Variants in GRIP2 observed in about 807,000 individuals in gnomAD.
The protein encoded by GRIP2 is glutamate receptor-interacting protein 2.
Under a neutral mutation model 108.3 loss-of-function variants are expected in GRIP2, and 58 were observed. The ratio of observed to expected loss-of-function variants is 0.54; its 90% CI spans 0.43 to 0.67. The LOEUF (loss-of-function observed/expected upper bound fraction) is 0.67. GRIP2 is among the 30% of genes least tolerant of loss of function. The pLI is 0.00. For synonymous variants in GRIP2, 586 were observed against 598.2 expected, an observed-to-expected ratio of 0.98 and a Z score of 0.30; for missense variants, 1,278 against 1,430.6, an observed-to-expected ratio of 0.89 and a Z score of 1.72.
intron 21 of GRIP2, among the ~76,000 whole-genome samples, chr3:14,499,582 G>A (rs1343874648): frequency 7.9e-5 from 12 of 151,742 alleles, no homozygotes; most frequent in African/African-American, 2.9e-4. Context: ...AATTAACCAA[G>A]CGTGGTGGTG....
upstream of GRIP2, chr3:14,541,957 T>A (rs367838522): frequency 1.0e-5 from 14 of 1,349,586 alleles, no homozygotes; most frequent in African/African-American, 1.3e-4. Context: ...CAGAGGCCAC[T>A]CTGGAGCAGT....
Position 14,491,144 on chromosome 3 carries a change from T to A in GRIP2, c.*2521A>T. On this transcript the variant is annotated 3_prime_UTR_variant, in exon 24 of 24. Transcript: ENST00000621039. ...TGACTCTTGCCAATCCATGATTTTT[T>A]TAAAAAGCAAACTTCTACTCTAGGT... 1 of 152,140 alleles carries A rather than the reference T, an allele frequency of 6.6e-6. No individual in the cohort carries two copies. The highest frequency in any genetic ancestry group is 1.9e-4 in the East Asian group (1 of 5,190). The allele number at this position is 152,140 out of a possible 1,614,324, so 9.4% of individuals were successfully genotyped here. A position where few individuals can be genotyped will look rare whatever the true frequency, so the allele number is the denominator to read the frequency against.
At chr3:14,569,075 G>A in the GRIP2 span, among the ~76,000 whole-genome samples, 41,711 of 151,900 alleles carry the variant, frequency 0.27, 6,161 homozygotes, top group Middle Eastern at 0.36. Context: ...TCAGGATTAC[G>A]GGGAGGGGTT....
intron 1 of GRIP2, among the ~76,000 whole-genome samples, chr3:14,536,587 C>A (rs111919913): frequency 6.6e-5 from 10 of 152,348 alleles, no homozygotes; most frequent in African/African-American, 2.2e-4. Context: ...CCCCCACAAT[C>A]CTCCTCCACA....
chr3:14,559,122 T>A (rs1000719504), upstream of GRIP2, among the ~76,000 whole-genome samples: 1 of 152,202 alleles, frequency 6.6e-6, no homozygotes, highest in African/African-American at 2.4e-5. Context: ...CAAGACCGTG[T>A]TACTTACCTG....
intron 22 of GRIP2, among the ~76,000 whole-genome samples, chr3:14,495,459 T>G (rs1341716046): frequency 6.6e-6 from 1 of 152,112 alleles, no homozygotes; most frequent in Admixed American, 6.5e-5. Flanking sequence ...CAGGCTGGAG[T>G]GCAACGGCGT....
chr3:14,513,753 C>A lies in GRIP2; in HGVS notation c.1551G>T (p.Glu517Asp), dbSNP rs1347933470. Residue 517 changes from glutamate to aspartate, a missense_variant, in exon 13 of 24, where the codon GAG becomes GAT. Physicochemically the swap from Glu to Asp is conservative, Grantham distance 45. Coordinates refer to ENST00000621039, the MANE Select transcript of GRIP2 (RefSeq NM_001080423.4). ...RVLSINGIAT[E>D]DGTMEEANQL... ...GGTTGGCTTCCTCCATAGTCCCGTC[C>A]TCGGTGGCAATGCCATTGATGGACA... 1 of 1,612,072 alleles carries A rather than the reference C, an allele frequency of 6.2e-7. No homozygotes were observed. Among genetic ancestry groups the A allele is most frequent in the African/African-American group, 1.3e-5 (1 of 75,046 alleles).
intron 1 of GRIP2, among the ~76,000 whole-genome samples, chr3:14,549,251 C>A (rs758197818): frequency 1.3e-5 from 2 of 152,230 alleles, no homozygotes; most frequent in Admixed American, 6.5e-5. Context: ...TGCAGGAATC[C>A]TCTCTGCTGT....
At chr3:14,597,034 G>A in the GRIP2 span, among the ~76,000 whole-genome samples, 10 of 152,120 alleles carry the variant, frequency 6.6e-5, no homozygotes, top group African/African-American at 1.9e-4. Flanking sequence ...CAGCCACTGC[G>A]CCCAGCCAGC....
chr3:14,504,911 T>A (rs1486276248), intron 20 of GRIP2, among the ~76,000 whole-genome samples: 1 of 152,146 alleles, frequency 6.6e-6, no homozygotes, highest in Non-Finnish European at 1.5e-5. Context: ...GTAGAGATGA[T>A]AGCCAAGTAA....
At position 14,512,699 on chromosome 3, in the gene GRIP2, G is replaced by T; in HGVS notation, c.1720+78C>A. The T allele has an allele frequency of 7.2e-7, 1 of 1,388,050 alleles. No homozygotes were observed. Among genetic ancestry groups the T allele is most frequent in the Non-Finnish European group, 1.0e-6 (1 of 988,414 alleles). The allele number at this position is 1,388,050 out of a possible 1,614,324, so 86.0% of individuals were successfully genotyped here. On this transcript the variant is annotated intron_variant, in intron 14 of 23. Coordinates refer to ENST00000621039, the MANE Select transcript of GRIP2 (RefSeq NM_001080423.4). This position sits in a 1 kb window ranked among gnomAD's most constrained non-coding sequence, Gnocchi z 5.1. The stretch of plus-strand genomic sequence containing the variant: ...CAGGGTGTCACGCCATGGAAATGCT[G>T]GTCTGAGCTTGGCAAGCTCTTTTTC...
At chr3:14,586,443 G>A in the GRIP2 span, among the ~76,000 whole-genome samples, 3 of 152,208 alleles carry the variant, frequency 2.0e-5, no homozygotes, top group Non-Finnish European at 4.4e-5. Flanking sequence ...GGGTGCCAGG[G>A]CCAGGAGGCA....
chr3:14,494,811 C>T lies in GRIP2; in HGVS notation c.2970+32G>A, dbSNP rs75594264. 3,172 of 1,597,006 alleles carry T rather than the reference C, an allele frequency of 2.0e-3. 5 individuals carry two copies. Among genetic ancestry groups the T allele is most frequent in the Non-Finnish European group, 2.3e-3 (2,727 of 1,169,818 alleles). ...ACCCTCAGGCTAGGAAACAATGCCA[C>T]CCCCACTATGGAGCCCCTGCCCCAG... On this transcript the variant is annotated intron_variant, in intron 23 of 23. Transcript: ENST00000621039.
In GRIP2 at chr3:14,521,565, G is replaced by T; in HGVS notation, c.712+77C>A. On this transcript the variant is annotated intron_variant, in intron 7 of 23. Coordinates refer to ENST00000621039, the MANE Select transcript of GRIP2 (RefSeq NM_001080423.4). The surrounding 1 kb of genome is among the most constrained non-coding windows in gnomAD (Gnocchi z 5.1). ...GTCATGCAGCCTTTGCAGTGGTAAA[G>T]ATCCATGGCCACTGCCACCTCCCCC... is the stretch of plus-strand genomic sequence containing the variant. The T allele has an allele frequency of 1.4e-6, 2 of 1,458,050 alleles. No homozygotes were observed. The highest frequency in any genetic ancestry group is 1.8e-6 in the Non-Finnish European group (2 of 1,085,068). 90.3% of individuals were successfully genotyped at this position (1,458,050 alleles called of 1,614,324 possible).
In GRIP2 at chr3:14,511,885, T is replaced by C. The variant is rs898989064; in HGVS notation, c.1721-406A>G. Among the ~76,000 whole-genome samples the C allele has an allele frequency of 2.6e-5, 4 of 152,146 alleles. No homozygotes were observed. The highest frequency in any genetic ancestry group is 5.9e-5 in the Non-Finnish European group (4 of 68,016). ...CCAGCACCCAGGCTCTATTGTGTGCTTGGGGGTGGGAGACACAGAAGTGAA... is the reference window on the plus strand; with the variant it reads ...CCAGCACCCAGGCTCTATTGTGTGCCTGGGGGTGGGAGACACAGAAGTGAA... On this transcript the variant is annotated intron_variant, in intron 14 of 23. Transcript: ENST00000621039. This position sits in a 1 kb window ranked among gnomAD's most constrained non-coding sequence, Gnocchi z 4.1.
At chr3:14,581,810 T>C in the GRIP2 span, among the ~76,000 whole-genome samples, 1 of 152,210 alleles carries the variant, frequency 6.6e-6, no homozygotes, top group Non-Finnish European at 1.5e-5. Context: ...TTTCTACCAC[T>C]TATAACCTAA....
At chr3:14,526,103 A>G in intron 1 of GRIP2, 172 bp from the exon 2 acceptor site, 1 of 639,604 alleles carries the variant, frequency 1.6e-6, no homozygotes, top group Admixed American at 2.5e-5. Flanking sequence ...CCTCCTCCCA[A>G]AGAAAGCCTG....
chr3:14,522,212 G>A lies in GRIP2; in HGVS notation c.567-425C>T. On this transcript the variant is annotated intron_variant, in intron 6 of 23. Coordinates refer to ENST00000621039, the MANE Select transcript of GRIP2 (RefSeq NM_001080423.4). This position sits in a 1 kb window ranked among gnomAD's most constrained non-coding sequence, Gnocchi z 4.3. Reference sequence around the variant, plus strand: ...ATTGGGGGCTGCTCTGAGCCGTCCTGGTCCCTTCCCATTGCTCCACCCTCA... The same window carrying A: ...ATTGGGGGCTGCTCTGAGCCGTCCTAGTCCCTTCCCATTGCTCCACCCTCA... 2 of 164,198 alleles carry A rather than the reference G, an allele frequency of 1.2e-5. No homozygotes were observed. The highest frequency in any genetic ancestry group is 1.9e-4 in the South Asian group (1 of 5,236). The allele number at this position is 164,198 out of a possible 1,614,324, so 10.2% of individuals were successfully genotyped here. A position where few individuals can be genotyped will look rare whatever the true frequency, so the allele number is the denominator to read the frequency against.
the GRIP2 span, among the ~76,000 whole-genome samples, chr3:14,577,674 G>C: frequency 6.6e-6 from 1 of 152,198 alleles, no homozygotes; most frequent in Non-Finnish European, 1.5e-5. Context: ...CATGGCCTCT[G>C]GGAAGACACT....
Sources: gnomAD v4.1 joint callset for allele counts (sites outside exome capture counted in the v4.1 genomes callset) on GRCh38, gnomAD v4.1.1 for gene constraint, Gnocchi (gnomAD v3.1) non-coding constraint, MANE v1.5 for transcripts, NCBI Gene and HGNC (gene_info 2026-07-23, HGNC 2026-07-21) for gene names.